The following CEP70 variants were observed in gnomAD, a reference collection of about 807,000 sequenced individuals.
CEP70 encodes centrosomal protein of 70 kDa.
A neutral mutation model predicts 90.9 loss-of-function variants in CEP70; 70 were observed. The ratio of observed to expected loss-of-function variants is 0.77; its 90% confidence interval spans 0.64 to 0.94. CEP70 has a LOEUF of 0.94. Ranked by LOEUF, CEP70 falls within the 40% of genes least tolerant of loss-of-function variation. The pLI, the probability that CEP70 is intolerant of heterozygous loss-of-function variation, is 0.00. For synonymous variants in CEP70, 220 were observed against 228.3 expected (o/e 0.96, Z 0.33); for missense variants, 648 against 669.0 (o/e 0.97, Z 0.35).
chr3:138,516,451 T>C (rs1051868608), intron 11 of CEP70, among the ~76,000 whole-genome samples: 5 of 152,218 alleles, frequency 3.3e-5, no homozygotes, highest in Middle Eastern at 3.4e-3. Context: ...AGTGGTGTGA[T>C]CACAGCTCAC....
intron 2 of CEP70, among the ~76,000 whole-genome samples, chr3:138,589,471 G>A (rs913766035): frequency 1.3e-5 from 2 of 150,858 alleles, no homozygotes; most frequent in African/African-American, 4.9e-5. Context: ...TGGGCAACTT[G>A]GCAAAACCCT....
At position 138,559,160 on chromosome 3, in the gene CEP70, G is replaced by A. The variant is rs759790176; in HGVS notation, c.465+11158C>T. 6.6e-5 allele frequency among the ~76,000 whole-genome samples: 10 copies of A among 151,954 alleles called. No individual in the cohort carries two copies. The South Asian group carries it at 1.0e-3, about 16-fold the overall frequency. ...TCTAAAACTAAAAAATACAATAACC[G>A]AAAGAAAATATCCAGAATAAAGTAT... On this transcript the variant is annotated intron_variant, in intron 6 of 17. Transcript: ENST00000264982.
intron 17 of CEP70, 113 bp from the exon 18 acceptor site, chr3:138,495,189 T>TAA: frequency 1.6e-6 from 1 of 608,630 alleles, no homozygotes; most frequent in Non-Finnish European, 2.9e-6. Flanking sequence ...GCAATAATAC[T>TAA]GGTGCTTTTG....
intron 17 of CEP70, chr3:138,496,831 T>C: frequency 1.0e-6 from 1 of 985,476 alleles, no homozygotes; most frequent in Middle Eastern, 5.2e-4. Flanking sequence ...GCAAATGATC[T>C]TTATGAACCA....
intron 6 of CEP70, among the ~76,000 whole-genome samples, chr3:138,555,583 C>T (rs189846027): frequency 3.8e-4 from 58 of 152,192 alleles, no homozygotes; most frequent in Admixed American, 3.1e-3. Context: ...AACAAATAAT[C>T]CCATCAAAAA....
intron 6 of CEP70, among the ~76,000 whole-genome samples, chr3:138,550,656 C>T (rs980824768): frequency 2.6e-5 from 4 of 152,142 alleles, no homozygotes; most frequent in African/African-American, 9.7e-5. Context: ...AGCCACCATG[C>T]CTGGCCAATT....
rs147139934 is a variant in CEP70, at chr3:138,544,553, A to G, written c.466-7206T>C. Among the ~76,000 whole-genome samples, 94 of 145,452 alleles carry G rather than the reference A, an allele frequency of 6.5e-4. 1 individual carries two copies. Among genetic ancestry groups the G allele is most frequent in the African/African-American group, 1.9e-3 (72 of 38,572 alleles). On this transcript the variant is annotated intron_variant, in intron 6 of 17. Transcript: ENST00000264982. The stretch of plus-strand genomic sequence containing the variant: ...TATGTATGTATGTGTGTGTGTGTGT[A>G]TATATATACACACATATTATATATA...
intron 2 of CEP70, among the ~76,000 whole-genome samples, chr3:138,581,110 C>A (rs1180687937): frequency 1.3e-5 from 2 of 151,578 alleles, no homozygotes; most frequent in Admixed American, 6.6e-5. Flanking sequence ...TATGGTAAAA[C>A]CCCATCTCTA....
intron 17 of CEP70, chr3:138,496,277 C>G (rs2033950843): frequency 2.0e-6 from 2 of 985,286 alleles, no homozygotes; most frequent in African/African-American, 3.5e-5. Flanking sequence ...CTTCACTTAG[C>G]CTACACACAT....
intron 2 of CEP70, among the ~76,000 whole-genome samples, chr3:138,587,081 T>C (rs1224259908): frequency 6.6e-6 from 1 of 151,976 alleles, no homozygotes; most frequent in African/African-American, 2.4e-5. Context: ...ATAACCTCTA[T>C]ATTAAAACAA....
rs569522766 is a variant in CEP70, at chr3:138,533,202, A to C, written c.636-632T>G. ...AGGCTGAGGCAGGAGAATCACTTGA[A>C]CCCGGGAGGCGGAGCTTGCAGTGAG... On this transcript the variant is annotated intron_variant, in intron 7 of 17. Coordinates refer to ENST00000264982, the MANE Select transcript of CEP70 (RefSeq NM_024491.4). Among the ~76,000 whole-genome samples the C allele has an allele frequency of 2.2e-3, 337 of 151,724 alleles. 1 individual carries two copies. The highest frequency in any genetic ancestry group is 7.8e-3 in the African/African-American group (324 of 41,372).
chr3:138,514,733 A>T (rs535889241), intron 11 of CEP70, among the ~76,000 whole-genome samples: 3 of 151,814 alleles, frequency 2.0e-5, no homozygotes, highest in East Asian at 3.9e-4. Context: ...CCTTGAAAAA[A>T]TTTTTTTCAT....
At position 138,494,838 on chromosome 3, in the gene CEP70, T is replaced by C. The variant is rs11553138; in HGVS notation, c.*177A>G. The C allele has an allele frequency of 8.2e-6, 4 of 490,372 alleles. No homozygotes were observed. The highest frequency in any genetic ancestry group is 1.5e-5 in the Non-Finnish European group (4 of 274,814). The allele number at this position is 490,372 out of a possible 1,614,324, so 30.4% of individuals were successfully genotyped here. ...ACCTTACCCTTGCAACTATTTTCTG[T>C]ATAAGAATCTCAAAGTTAATAAAAA... On this transcript the variant is annotated 3_prime_UTR_variant, in exon 18 of 18. Transcript: ENST00000264982.
intron 7 of CEP70, 114 bp from the exon 8 acceptor site, chr3:138,532,684 A>T: frequency 2.0e-6 from 2 of 979,310 alleles, no homozygotes; most frequent in Non-Finnish European, 2.7e-6. Flanking sequence ...ATTATCTGGC[A>T]GGCTTTAAAA....
At chr3:138,587,191 A>G (rs2042146298) in intron 2 of CEP70, among the ~76,000 whole-genome samples, 1 of 152,080 alleles carries the variant, frequency 6.6e-6, no homozygotes, top group African/African-American at 2.4e-5. Context: ...ACTTTTAAAA[A>G]CTAATTATTT....
intron 6 of CEP70, among the ~76,000 whole-genome samples, chr3:138,545,633 C>T (rs2039131160): frequency 6.6e-6 from 1 of 152,094 alleles, no homozygotes; most frequent in South Asian, 2.1e-4. Flanking sequence ...TTTCGGAGAG[C>T]CTATAAATGG....
rs189788524 is a variant in CEP70, at chr3:138,514,512, T to A, written c.945-5968A>T. 3.3e-5 allele frequency among the ~76,000 whole-genome samples: 5 copies of A among 152,288 alleles called. No homozygotes were observed. The East Asian group carries it at 9.6e-4, about 29-fold the overall frequency. On this transcript the variant is annotated intron_variant, in intron 11 of 17. Coordinates refer to ENST00000264982, the MANE Select transcript of CEP70 (RefSeq NM_024491.4). ...CTGGATTGACAGGAGATTTTAGTTT[T>A]AATTATTTCCCCAGCATCAGTAGTA...
At chr3:138,534,082 C>A (rs954491587) in intron 7 of CEP70, among the ~76,000 whole-genome samples, 2 of 152,200 alleles carry the variant, frequency 1.3e-5, no homozygotes, top group Non-Finnish European at 2.9e-5. Context: ...CTGCGCCCGG[C>A]CTGAATTTTT....
intron 6 of CEP70, among the ~76,000 whole-genome samples, chr3:138,564,176 TAAC>T (rs1339489402): frequency 6.6e-6 from 1 of 152,204 alleles, no homozygotes; most frequent in African/African-American, 2.4e-5. Flanking sequence ...AATAGACCAA[TAAC>T]AAGTTCTGAA....
Sources: gnomAD v4.1 joint callset for allele counts (sites outside exome capture counted in the v4.1 genomes callset) on GRCh38, gnomAD v4.1.1 for gene constraint, MANE v1.5 for transcripts, NCBI Gene and HGNC (gene_info 2026-07-23, HGNC 2026-07-21) for gene names.